Variants in FHAD1 observed in about 807,000 individuals in gnomAD.
The protein encoded by FHAD1 is forkhead-associated domain-containing protein 1.
Under a neutral mutation model 191.3 loss-of-function variants are expected in FHAD1, and 146 were observed. The observed-to-expected ratio is 0.76, with a 90% CI of 0.67 to 0.88. The LOEUF is 0.88. Among genes scored for constraint, FHAD1 ranks in the 40% least tolerant of loss-of-function variants. The probability of loss-of-function intolerance (pLI) is 0.00; values close to 1 mark genes in which losing one functional copy is unlikely to be tolerated. For synonymous variants in FHAD1, 616 were observed against 672.3 expected, an observed-to-expected ratio of 0.92 and a Z score of 1.29; for missense variants, 1,635 against 1,785.8, an observed-to-expected ratio of 0.92 and a Z score of 1.52.
Position 15,318,594 on chromosome 1 carries a change from A to G in FHAD1, c.1365+666A>G, listed in dbSNP as rs561645669. ...GGTTGCAGCAAGCTGAGATCGTGCC[A>G]CCGCACTCCAGCCTGGGCGACAGAG... On this transcript the variant is annotated intron_variant, in intron 10 of 33. Coordinates refer to ENST00000688493, the MANE Select transcript of FHAD1 (RefSeq NM_001391957.1). This position sits in a 1 kb window ranked among gnomAD's most constrained non-coding sequence, Gnocchi z 4.1. Among the ~76,000 whole-genome samples, 10 of 152,254 alleles carry G rather than the reference A, an allele frequency of 6.6e-5. No homozygotes were observed. Among genetic ancestry groups the G allele is most frequent in the Admixed American group, 3.3e-4 (5 of 15,306 alleles).
chr1:15,262,021 GCACACA>G (rs143373188), intron 2 of FHAD1, among the ~76,000 whole-genome samples: 6 of 150,186 alleles, frequency 4.0e-5, no homozygotes, highest in African/African-American at 1.5e-4. Flanking sequence ...TAGCACACAC[GCACACA>G]CACACACACA....
rs749901933 is a variant in FHAD1, at chr1:15,316,694, C to T, written c.1260+227C>T. Among the ~76,000 whole-genome samples the T allele has an allele frequency of 2.6e-5, 4 of 152,166 alleles. No homozygotes were observed. The highest frequency in any genetic ancestry group is 4.8e-5 in the African/African-American group (2 of 41,446). On this transcript the variant is annotated intron_variant, in intron 9 of 33. Coordinates refer to ENST00000688493, the MANE Select transcript of FHAD1 (RefSeq NM_001391957.1). This position sits in a 1 kb window ranked among gnomAD's most constrained non-coding sequence, Gnocchi z 4.3. ...TTGGCTCTAGCTCCCTCAAGGGTTTCCCCTGGGGCCAGGTTGGGGTTGAGA... is the reference window on the plus strand; with the variant it reads ...TTGGCTCTAGCTCCCTCAAGGGTTTTCCCTGGGGCCAGGTTGGGGTTGAGA...
At chr1:15,348,954 CTATTAT>C (rs549997171) in intron 18 of FHAD1, 82 bp from the exon 19 acceptor site, 1 of 867,302 alleles carries the variant, frequency 1.2e-6, no homozygotes, top group Non-Finnish European at 1.8e-6. Context: ...GTTATTGTTA[CTATTAT>C]TATTATTATT....
chr1:15,398,732 C>T (rs1557485229), downstream of FHAD1, among the ~76,000 whole-genome samples: 1 of 150,742 alleles, frequency 6.6e-6, no homozygotes, highest in Non-Finnish European at 1.5e-5. Flanking sequence ...CAAGTTCTGC[C>T]TTCTCTCCAT....
At chr1:15,388,373 A>G (rs1199111779) in intron 32 of FHAD1, 1 of 899,350 alleles carries the variant, frequency 1.1e-6, no homozygotes, top group Non-Finnish European at 1.3e-6. Flanking sequence ...TGCAGTTTGA[A>G]CGGATGACCT....
rs1473616753 is a variant in FHAD1 at position 15,373,823 on chromosome 1, GCAACAGAGCAAGACC to G, written c.3448-665_3448-651del. 3.9e-5 allele frequency among the ~76,000 whole-genome samples: 6 copies of G among 152,160 alleles called. No homozygotes were observed. The South Asian group carries it at 1.2e-3, about 31-fold the overall frequency. On this transcript the variant is annotated intron_variant, in intron 26 of 33. Coordinates refer to ENST00000688493, the MANE Select transcript of FHAD1 (RefSeq NM_001391957.1). The stretch of plus-strand genomic sequence containing the variant: ...ATCATGCCATTGCATTCCAACCTGG[GCAACAGAGCAAGACC>G]CAACAGAGCAAGATCCAAAAACCAA...
At chr1:15,376,576 C>T (rs1266772455) in intron 28 of FHAD1, among the ~76,000 whole-genome samples, 1 of 152,190 alleles carries the variant, frequency 6.6e-6, no homozygotes, top group Non-Finnish European at 1.5e-5. Context: ...CAGATCCGAG[C>T]TCTGCGAGCT....
Position 15,374,684 on chromosome 1 carries a change from T to C in FHAD1, c.3577+53T>C, listed in dbSNP as rs11588884. 7.1e-3 allele frequency: 10,966 copies of C among 1,543,584 alleles called. 644 individuals are homozygous for C. The African/African-American group carries it at 0.13, about 18-fold the overall frequency. ...AGTGGACCCCAGACTCCGGCTCACT[T>C]TGGGGACTGACCAGTTTGCCAGGAC... On this transcript the variant is annotated intron_variant, in intron 27 of 33. Transcript: ENST00000688493.
In FHAD1 at chr1:15,365,910, A is replaced by G. The variant is rs751842824; in HGVS notation, c.3131A>G (p.His1044Arg). Residue 1044 changes from histidine (H) to arginine (R), a missense_variant, in exon 24 of 34, where the codon CAC (histidine) becomes CGC (arginine). Physicochemically the swap from His to Arg is conservative, Grantham distance 29. Transcript: ENST00000688493. ...MKLRKDLTEAHSRMSDLRGEL... is the reference protein window; with the variant it reads ...MKLRKDLTEARSRMSDLRGEL... ...TTAAGGAAAGACCTTACCGAAGCCC[A>G]CAGCAGAATGTCGGATTTGAGAGGT... 2 of 1,551,292 alleles carry G rather than the reference A, an allele frequency of 1.3e-6. No individual in the cohort carries two copies. Among genetic ancestry groups the G allele is most frequent in the African/African-American group, 1.4e-5 (1 of 73,046 alleles).
chr1:15,375,454 C>A (rs1001811440), intron 27 of FHAD1, 149 bp from the exon 28 acceptor site: 2 of 580,616 alleles, frequency 3.4e-6, no homozygotes, highest in Non-Finnish European at 2.6e-6. Context: ...GTCATTTAAT[C>A]TCTCTAGGAC....
intron 2 of FHAD1, among the ~76,000 whole-genome samples, chr1:15,267,834 T>C (rs1466597635): frequency 6.8e-6 from 1 of 147,358 alleles, no homozygotes; most frequent in Admixed American, 6.8e-5. Context: ...TTATATAGCA[T>C]ATATTTATAA....
chr1:15,269,915 C>CTTTTTTTTTTTTTTTTTTT (rs144971337), intron 2 of FHAD1, among the ~76,000 whole-genome samples: 2 of 123,088 alleles, frequency 1.6e-5, no homozygotes, highest in African/African-American at 6.0e-5. Flanking sequence ...TTATGGCTCT[C>CTTTTTTTTTTTTTTTTTTT]TTTTTTTTTT....
At position 15,251,863 on chromosome 1, in the gene FHAD1, G is replaced by A; in HGVS notation, c.79G>A (p.Asp27Asn). ...STTIGRHENSDLVLQSPDIDN... is the reference protein window; with the variant it reads ...STTIGRHENSNLVLQSPDIDN... Reference sequence around the variant, plus strand: ...CACAATTGGAAGGCATGAAAATTCAGACCTTGTTTTACAGGTAAGAAGTCT... The same window carrying A: ...CACAATTGGAAGGCATGAAAATTCAAACCTTGTTTTACAGGTAAGAAGTCT... The change falls in exon 2 of 34, where the codon GAC becomes AAC. Residue 27 changes from aspartate (D) to asparagine (N), a missense_variant. Asp to Asn is a conservative substitution (Grantham distance 23, BLOSUM62 1). Transcript: ENST00000688493. The A allele has an allele frequency of 1.9e-6, 3 of 1,552,296 alleles. No individual in the cohort carries two copies. Among genetic ancestry groups the A allele is most frequent in the Non-Finnish European group, 2.6e-6 (3 of 1,147,124 alleles).
chr1:15,272,390 A>T lies in FHAD1; in HGVS notation c.161A>T (p.Gln54Leu), dbSNP rs771122194. ...GAGGCGGAGTGCAGCTTTGTTCTCC[A>T]GGACTTCAATTCCCGCAACGGCACG... ...YNEAECSFVL[Q>L]DFNSRNGTFV... The change falls in exon 3 of 34, where the codon CAG becomes CTG. Residue 54 changes from glutamine to leucine, a missense_variant. Physicochemically the swap from Gln to Leu is moderately radical, Grantham distance 113. Coordinates refer to ENST00000688493, the MANE Select transcript of FHAD1 (RefSeq NM_001391957.1). 5.8e-6 allele frequency: 9 copies of T among 1,551,770 alleles called. No individual in the cohort carries two copies. Among genetic ancestry groups the T allele is most frequent in the Non-Finnish European group, 7.0e-6 (8 of 1,147,006 alleles).
chr1:15,238,468 C>A (rs1437228280), intron 1 of FHAD1, among the ~76,000 whole-genome samples: 1 of 152,140 alleles, frequency 6.6e-6, no homozygotes, highest in East Asian at 1.9e-4. Flanking sequence ...CCACCAAGGC[C>A]TTCTGGAATT....
intron 14 of FHAD1, among the ~76,000 whole-genome samples, chr1:15,330,835 T>G (rs1375424338): frequency 6.6e-6 from 1 of 152,020 alleles, no homozygotes; most frequent in African/African-American, 2.4e-5. Context: ...GTGAAAGGCC[T>G]TAAGTAAGGA....
intron 4 of FHAD1, among the ~76,000 whole-genome samples, chr1:15,291,066 A>AC (rs1664558404): frequency 1.4e-5 from 2 of 146,152 alleles, no homozygotes; most frequent in African/African-American, 2.6e-5. Flanking sequence ...TTTTACAGTG[A>AC]CCCCCTCCCC....
Position 15,297,994 on chromosome 1 carries a change from G to C in FHAD1, c.678+1201G>C, listed in dbSNP as rs114626172. ...GAGATGCCTTAAAGAACTAAAAACA[G>C]AGCCACCATTTGATCCGGCAATCCC... On this transcript the variant is annotated intron_variant, in intron 5 of 33. Coordinates refer to ENST00000688493, the MANE Select transcript of FHAD1 (RefSeq NM_001391957.1). 8.1e-3 allele frequency among the ~76,000 whole-genome samples: 1,230 copies of C among 152,198 alleles called. 21 individuals carry two copies. The highest frequency in any genetic ancestry group is 0.028 in the African/African-American group (1,181 of 41,520).
Position 15,376,995 on chromosome 1 carries a change from C to G in FHAD1, c.3705+1265C>G, listed in dbSNP as rs371231870. On this transcript the variant is annotated intron_variant, in intron 28 of 33. Coordinates refer to ENST00000688493, the MANE Select transcript of FHAD1 (RefSeq NM_001391957.1). ...GTTTGAGGCTACAGTGAGCTATGAT[C>G]GTGCCACTGCTCTCCAGCAGGGACA... Among the ~76,000 whole-genome samples, 21 of 152,242 alleles carry G rather than the reference C, an allele frequency of 1.4e-4. No individual in the cohort carries two copies. The South Asian group carries it at 3.9e-3, about 29-fold the overall frequency.
Sources: gnomAD v4.1 joint callset for allele counts (sites outside exome capture counted in the v4.1 genomes callset) on GRCh38, gnomAD v4.1.1 for gene constraint, Gnocchi (gnomAD v3.1) non-coding constraint, MANE v1.5 for transcripts, NCBI Gene and HGNC (gene_info 2026-07-23, HGNC 2026-07-21) for gene names.